Variants in KCTD1 observed in about 807,000 individuals in gnomAD.
KCTD1 encodes BTB/POZ domain-containing protein KCTD1.
KCTD1 carries 24 observed loss-of-function variants against 66.0 expected under a neutral mutation model. The observed-to-expected ratio is 0.36, with a 90% confidence interval of 0.26 to 0.51. KCTD1 has a LOEUF of 0.51. Ranked by LOEUF, KCTD1 falls within the 20% of genes least tolerant of loss-of-function variation. KCTD1 has a pLI of 0.95. For missense variants in KCTD1, 943 were observed against 1,205.2 expected, an observed-to-expected ratio of 0.78 and a Z score of 3.22; for synonymous variants, 511 against 517.2, an observed-to-expected ratio of 0.99 and a Z score of 0.16.
intron 4 of KCTD1, chr18:26,458,299 T>C (rs559730647): frequency 6.6e-6 from 1 of 152,222 alleles, no homozygotes; most frequent in Non-Finnish European, 1.5e-5. Context: ...TAAAGAGTTA[T>C]AAATAGTAGT....
chr18:26,575,530 A>G (rs1486356814), intron 1 of KCTD1: 2 of 152,188 alleles, frequency 1.3e-5, no homozygotes, highest in Non-Finnish European at 2.9e-5. Context: ...ACCAGAACAA[A>G]GACAGCCAGG....
At chr18:26,653,214 G>A (rs1208261652) in intron 1 of KCTD1, among the ~76,000 whole-genome samples, 1 of 152,166 alleles carries the variant, frequency 6.6e-6, no homozygotes, top group Non-Finnish European at 1.5e-5. Context: ...GTGAAGACCA[G>A]GTGCCTGTCC....
At chr18:26,541,661 C>G (rs1984979948) in intron 1 of KCTD1, among the ~76,000 whole-genome samples, 1 of 152,162 alleles carries the variant, frequency 6.6e-6, no homozygotes, top group Non-Finnish European at 1.5e-5. Flanking sequence ...CCAGAACATG[C>G]CTCATTAGGT....
intron 1 of KCTD1, among the ~76,000 whole-genome samples, chr18:26,540,299 G>A (rs964535053): frequency 2.6e-5 from 4 of 152,156 alleles, no homozygotes; most frequent in African/African-American, 7.2e-5. Context: ...TTGTTGCCTA[G>A]AGGCCTAGCA....
intron 1 of KCTD1, among the ~76,000 whole-genome samples, chr18:26,605,346 T>C (rs1986987780): frequency 6.6e-6 from 1 of 152,208 alleles, no homozygotes; most frequent in Admixed American, 6.5e-5. Context: ...TTTCCCCAAA[T>C]GTATCACCCT....
At chr18:26,500,333 T>C (rs925985108) in intron 2 of KCTD1, among the ~76,000 whole-genome samples, 27 of 150,242 alleles carry the variant, frequency 1.8e-4, no homozygotes, top group Admixed American at 9.9e-4. Context: ...GGTGGAAGGG[T>C]CACTTAAGCC....
chr18:26,596,787 T>C (rs1598959143), intron 1 of KCTD1, among the ~76,000 whole-genome samples: 1 of 152,414 alleles, frequency 6.6e-6, no homozygotes, highest in Non-Finnish European at 1.5e-5. Context: ...TTGCTACTGT[T>C]GTTAAGAATG....
chr18:26,617,441 C>T (rs1987279706), intron 1 of KCTD1, among the ~76,000 whole-genome samples: 1 of 152,174 alleles, frequency 6.6e-6, no homozygotes, highest in South Asian at 2.1e-4. Flanking sequence ...TCTTAATAGA[C>T]AGGATGACTA....
chr18:26,644,272 G>A (rs1186940717), upstream of KCTD1, among the ~76,000 whole-genome samples: 3 of 152,128 alleles, frequency 2.0e-5, no homozygotes, highest in African/African-American at 7.2e-5. Context: ...GCCACTCAGG[G>A]CCTCAGGATC....
intron 1 of KCTD1, among the ~76,000 whole-genome samples, chr18:26,613,604 G>A (rs1402724173): frequency 6.6e-6 from 1 of 152,150 alleles, no homozygotes; most frequent in Non-Finnish European, 1.5e-5. Flanking sequence ...AGTGTCCACA[G>A]AAAGCTAAAA....
At chr18:26,573,547 G>C (rs941293735) in intron 1 of KCTD1, among the ~76,000 whole-genome samples, 1 of 152,208 alleles carries the variant, frequency 6.6e-6, no homozygotes, top group Admixed American at 6.5e-5. Context: ...GCCGGAAGAC[G>C]TGATAAGGTG....
intron 1 of KCTD1, among the ~76,000 whole-genome samples, chr18:26,582,066 G>A (rs1052970699): frequency 6.0e-5 from 9 of 149,726 alleles, no homozygotes; most frequent in African/African-American, 9.9e-5. Flanking sequence ...TCAAGAGCTC[G>A]AGACCAGCCT....
Position 26,600,180 on chromosome 18 carries a change from A to G in KCTD1, c.-16+28967T>C, listed in dbSNP as rs114448212. ...GTGGCCTTGCCAAAGAACTGGAAAAAGAGAAGTCAAGGGAACAGATGAGCT... is the reference window on the plus strand; with the variant it reads ...GTGGCCTTGCCAAAGAACTGGAAAAGGAGAAGTCAAGGGAACAGATGAGCT... On this transcript the variant is annotated intron_variant, in intron 1 of 4. Coordinates refer to the KCTD1 transcript ENST00000317932. 1,194 of 1,602,890 alleles carry G rather than the reference A, an allele frequency of 7.4e-4. 10 individuals carry two copies. In the African/African-American group the frequency reaches 0.015, roughly 20 times the overall value.
At chr18:26,457,573 A>C (rs940777275) in intron 4 of KCTD1, 1 of 152,230 alleles carries the variant, frequency 6.6e-6, no homozygotes, top group Non-Finnish European at 1.5e-5. Flanking sequence ...TCTTCTTCGG[A>C]GTCCGATAGG....
chr18:26,637,126 A>G (rs1206856728), intron 1 of KCTD1, among the ~76,000 whole-genome samples: 3 of 152,100 alleles, frequency 2.0e-5, no homozygotes, highest in Non-Finnish European at 4.4e-5. Flanking sequence ...CACTGTGCCT[A>G]GTTTTCAAAC....
At chr18:26,503,163 C>T (rs1050742901) in intron 1 of KCTD1, among the ~76,000 whole-genome samples, 1 of 152,082 alleles carries the variant, frequency 6.6e-6, no homozygotes, top group African/African-American at 2.4e-5. Context: ...GTTCTTAAAT[C>T]GGCTGGTCGG....
At chr18:26,544,606 A>T (rs967056406) in intron 1 of KCTD1, 40 of 152,346 alleles carry the variant, frequency 2.6e-4, no homozygotes, top group African/African-American at 9.4e-4. Flanking sequence ...ATTAATGACC[A>T]GCCAGAAGAG....
intron 1 of KCTD1, among the ~76,000 whole-genome samples, chr18:26,579,319 C>A (rs1192375446): frequency 3.3e-5 from 5 of 152,046 alleles, no homozygotes; most frequent in Admixed American, 3.3e-4. Context: ...CAGTTAGTGT[C>A]CAATTAGTGT....
intron 1 of KCTD1, among the ~76,000 whole-genome samples, chr18:26,536,104 G>A (rs1672982935): frequency 6.6e-6 from 1 of 152,056 alleles, no homozygotes; most frequent in African/African-American, 2.4e-5. Context: ...GCTTTCCTGT[G>A]AAAAACTATC....
Sources: allele counts gnomAD v4.1 joint callset (sites outside exome capture counted in the v4.1 genomes callset), GRCh38; gene constraint gnomAD v4.1.1; transcripts MANE v1.5; gene names NCBI Gene and HGNC (gene_info 2026-07-23, HGNC 2026-07-21).